AGBL4: variants seen among roughly 807,000 people sequenced by gnomAD.
The protein encoded by AGBL4 is cytosolic carboxypeptidase 6.
AGBL4 carries 58 observed loss-of-function variants against 66.4 expected under a neutral mutation model. The ratio of observed to expected loss-of-function variants is 0.87; its 90% confidence interval spans 0.71 to 1.09. The LOEUF (loss-of-function observed/expected upper bound fraction) is 1.09, where lower values mean the gene tolerates loss of function less well. AGBL4 is among the 50% of genes least tolerant of loss of function. The probability of loss-of-function intolerance (pLI) is 0.00; values close to 1 mark genes in which losing one functional copy is unlikely to be tolerated. For synonymous variants in AGBL4, 234 were observed against 222.9 expected (o/e 1.05, Z -0.44); for missense variants, 579 against 631.0 (o/e 0.92, Z 0.88).
At position 50,004,098 on chromosome 1, in the gene AGBL4, G is replaced by A. The variant is rs1415763392; in HGVS notation, c.34+19665C>T. On this transcript the variant is annotated intron_variant, in intron 1 of 13. Coordinates refer to ENST00000371839, the MANE Select transcript of AGBL4 (RefSeq NM_032785.4). ...CCCCATCCTCTGGCAGAAGCCACAT[G>A]GCACAGAAAAAGAATCTTTGCGCAC... 2.0e-5 allele frequency among the ~76,000 whole-genome samples: 3 copies of A among 152,114 alleles called. 1 individual carries two copies. Among genetic ancestry groups the A allele is most frequent in the African/African-American group, 7.2e-5 (3 of 41,418 alleles).
chr1:49,493,373 A>C (rs1002478237), intron 3 of AGBL4, among the ~76,000 whole-genome samples: 9 of 152,020 alleles, frequency 5.9e-5, no homozygotes, highest in African/African-American at 1.9e-4. Context: ...TAAAAACTAA[A>C]AACTTTATAT....
At chr1:49,053,236 G>A (rs544408646) in intron 4 of AGBL4, among the ~76,000 whole-genome samples, 1 of 152,100 alleles carries the variant, frequency 6.6e-6, no homozygotes, top group African/African-American at 2.4e-5. Flanking sequence ...AAATGGATGG[G>A]GTCTTAATTT....
intron 1 of AGBL4, among the ~76,000 whole-genome samples, chr1:49,935,362 C>A (rs1394200238): frequency 6.6e-6 from 1 of 152,224 alleles, no homozygotes; most frequent in Non-Finnish European, 1.5e-5. Flanking sequence ...CACCACAGCT[C>A]AAGGTTGCCT....
intron 1 of AGBL4, among the ~76,000 whole-genome samples, chr1:49,931,568 A>G (rs1653366358): frequency 6.6e-6 from 1 of 152,156 alleles, no homozygotes; most frequent in Non-Finnish European, 1.5e-5. Context: ...AGCAAGGGGG[A>G]AATTCGCCCC....
intron 1 of AGBL4, among the ~76,000 whole-genome samples, chr1:49,868,823 C>T (rs1021875400): frequency 8.5e-5 from 13 of 152,104 alleles, no homozygotes; most frequent in African/African-American, 3.1e-4. Context: ...AAGAGACAAC[C>T]TACAGAATGG....
At chr1:49,180,814 T>G (rs1646918353) in intron 4 of AGBL4, among the ~76,000 whole-genome samples, 1 of 152,198 alleles carries the variant, frequency 6.6e-6, no homozygotes, top group African/African-American at 2.4e-5. Flanking sequence ...ACCCTGTAAT[T>G]CATTCTGGAA....
intron 2 of AGBL4, among the ~76,000 whole-genome samples, chr1:49,736,526 A>C (rs1649903780): frequency 6.6e-6 from 1 of 152,154 alleles, no homozygotes; most frequent in African/African-American, 2.4e-5. Context: ...AAATTTCAAA[A>C]CATGTTTAGA....
intron 3 of AGBL4, among the ~76,000 whole-genome samples, chr1:49,552,605 AGG>A (rs1189186964): frequency 6.6e-6 from 1 of 152,098 alleles, no homozygotes; most frequent in African/African-American, 2.4e-5. Flanking sequence ...TTGGGAGAGG[AGG>A]CTCTCCCTCT....
At chr1:49,318,990 G>A (rs1346735680) in intron 3 of AGBL4, among the ~76,000 whole-genome samples, 1 of 152,140 alleles carries the variant, frequency 6.6e-6, no homozygotes, top group East Asian at 1.9e-4. Context: ...GCCTAGGAAG[G>A]CTATGACAAC....
At chr1:49,780,098 T>G (rs938512356) in intron 2 of AGBL4, among the ~76,000 whole-genome samples, 4 of 152,042 alleles carry the variant, frequency 2.6e-5, no homozygotes, top group Non-Finnish European at 4.4e-5. Context: ...AAGAACTTAC[T>G]TACAAGGAAT....
chr1:48,843,265 A>T (rs1646844362), intron 6 of AGBL4, among the ~76,000 whole-genome samples: 1 of 152,194 alleles, frequency 6.6e-6, no homozygotes. Context: ...TGATTGATTT[A>T]GGGTTATTGA....
intron 4 of AGBL4, among the ~76,000 whole-genome samples, chr1:49,096,609 T>C (rs1281211917): frequency 6.9e-6 from 1 of 144,518 alleles, no homozygotes; most frequent in Non-Finnish European, 1.5e-5. Flanking sequence ...AAATACTGCA[T>C]ACTCTCACTC....
intron 6 of AGBL4, among the ~76,000 whole-genome samples, chr1:48,754,891 A>C (rs1018769015): frequency 6.6e-6 from 1 of 152,182 alleles, no homozygotes; most frequent in Non-Finnish European, 1.5e-5. Flanking sequence ...GGCACGCAGG[A>C]CCAGGGGTCA....
intron 3 of AGBL4, among the ~76,000 whole-genome samples, chr1:49,455,620 C>T (rs1646371200): frequency 6.6e-6 from 1 of 151,682 alleles, no homozygotes; most frequent in Non-Finnish European, 1.5e-5. Context: ...CCTCTCTATG[C>T]TACTGTTGTC....
chr1:48,943,352 T>C (rs1440416639), intron 5 of AGBL4, among the ~76,000 whole-genome samples: 1 of 152,192 alleles, frequency 6.6e-6, no homozygotes, highest in Non-Finnish European at 1.5e-5. Flanking sequence ...TTCCCCTGAA[T>C]AAAGTTTATC....
At chr1:48,965,532 CACCA>C (rs1658349159) in intron 5 of AGBL4, among the ~76,000 whole-genome samples, 1 of 152,146 alleles carries the variant, frequency 6.6e-6, no homozygotes, top group African/African-American at 2.4e-5. Flanking sequence ...TGATGAATTT[CACCA>C]CAGTGGTAGC....
intron 6 of AGBL4, among the ~76,000 whole-genome samples, chr1:48,749,396 A>C (rs1253789948): frequency 6.6e-6 from 1 of 152,188 alleles, no homozygotes; most frequent in East Asian, 1.9e-4. Flanking sequence ...GTGTTTAGCG[A>C]AAGAAGTTAA....
intron 1 of AGBL4, among the ~76,000 whole-genome samples, chr1:49,878,066 C>A (rs1256315604): frequency 6.6e-6 from 1 of 151,280 alleles, no homozygotes; most frequent in African/African-American, 2.4e-5. Flanking sequence ...CTTTATTAGT[C>A]TTGCTAGCGG....
intron 4 of AGBL4, among the ~76,000 whole-genome samples, chr1:49,196,921 AG>A: frequency 6.6e-6 from 1 of 152,062 alleles, no homozygotes; most frequent in East Asian, 1.9e-4. Context: ...TGACTTCCCC[AG>A]GCTCAAGCAA....
Sources: gnomAD v4.1 joint callset for allele counts (sites outside exome capture counted in the v4.1 genomes callset) on GRCh38, gnomAD v4.1.1 for gene constraint, MANE v1.5 for transcripts, NCBI Gene and HGNC (gene_info 2026-07-23, HGNC 2026-07-21) for gene names.